SMYD3: variants seen among roughly 807,000 people sequenced by gnomAD.
SMYD3 encodes histone-lysine N-methyltransferase SMYD3.
SMYD3 carries 36 observed loss-of-function variants against 57.7 expected under a neutral mutation model. That is an observed-to-expected ratio of 0.62 (90% CI 0.48 to 0.82). SMYD3 has a LOEUF of 0.82. SMYD3 is among the 40% of genes least tolerant of loss of function. The pLI is 0.00. For synonymous variants in SMYD3, 211 were observed against 195.0 expected (o/e 1.08, Z -0.68); for missense variants, 515 against 538.8 (o/e 0.96, Z 0.44).
intron 1 of SMYD3, among the ~76,000 whole-genome samples, chr1:246,369,993 A>C (rs1361925109): frequency 6.6e-6 from 1 of 152,216 alleles, no homozygotes; most frequent in Middle Eastern, 3.2e-3. Context: ...AGCACCTTAA[A>C]TCCAGCACTT....
At chr1:245,847,607 A>G (rs1448437458) in intron 10 of SMYD3, among the ~76,000 whole-genome samples, 1 of 152,096 alleles carries the variant, frequency 6.6e-6, no homozygotes, top group African/African-American at 2.4e-5. Context: ...TTTCTCTTCC[A>G]CGAGGTGAGA....
intron 8 of SMYD3, among the ~76,000 whole-genome samples, chr1:245,894,829 T>C (rs4654067): frequency 1 from 151,902 of 152,310 alleles, 75,753 homozygotes; most frequent in Middle Eastern, 1. Context: ...GCCCCAAAGA[T>C]GGTAGAAAAG....
intron 10 of SMYD3, among the ~76,000 whole-genome samples, chr1:245,839,467 C>A (rs1030230481): frequency 6.6e-6 from 1 of 151,708 alleles, no homozygotes; most frequent in African/African-American, 2.4e-5. Flanking sequence ...CTGTGCCCAG[C>A]CCAGGCCAGC....
chr1:246,458,613 ATTTTTTTTTTT>A (rs74163446), intron 1 of SMYD3, among the ~76,000 whole-genome samples: 3 of 46,870 alleles, frequency 6.4e-5, no homozygotes, highest in Middle Eastern at 0.02. Context: ...CGCCTGGCTG[ATTTTTTTTTTT>A]TTTTTTTTTT....
At chr1:245,892,783 T>C (rs1201717954) in intron 8 of SMYD3, among the ~76,000 whole-genome samples, 2 of 152,164 alleles carry the variant, frequency 1.3e-5, no homozygotes, top group Non-Finnish European at 2.9e-5. Context: ...AAATCTAATA[T>C]GAAACACAGA....
chr1:246,292,571 T>C (rs1279999345), intron 5 of SMYD3, among the ~76,000 whole-genome samples: 1 of 152,226 alleles, frequency 6.6e-6, no homozygotes, highest in Non-Finnish European at 1.5e-5. Flanking sequence ...ACTATATGGA[T>C]AAATATATTG....
intron 5 of SMYD3, among the ~76,000 whole-genome samples, chr1:246,032,892 G>A (rs1030282238): frequency 9.2e-5 from 14 of 152,184 alleles, no homozygotes; most frequent in Non-Finnish European, 1.9e-4. Context: ...AACTAGTTAT[G>A]TAATTTTGGG....
intron 1 of SMYD3, among the ~76,000 whole-genome samples, chr1:246,470,235 TA>T (rs1294381387): frequency 1.3e-5 from 2 of 152,212 alleles, no homozygotes; most frequent in African/African-American, 4.8e-5. Flanking sequence ...CTCATGCCTG[TA>T]ATCCCAGCAC....
chr1:245,766,142 C>T (rs2046085099), intron 10 of SMYD3, among the ~76,000 whole-genome samples: 1 of 152,178 alleles, frequency 6.6e-6, no homozygotes, highest in East Asian at 1.9e-4. Flanking sequence ...CGGCGGCTCA[C>T]ACCTGTAATC....
At chr1:245,969,983 A>C (rs1043659666) in intron 5 of SMYD3, among the ~76,000 whole-genome samples, 18 of 119,082 alleles carry the variant, frequency 1.5e-4, no homozygotes, top group African/African-American at 4.3e-4. Context: ...TATGGAGCCC[A>C]AAAAGAGCCC....
chr1:245,762,675 A>G (rs368137388), intron 11 of SMYD3, among the ~76,000 whole-genome samples: 2 of 152,202 alleles, frequency 1.3e-5, no homozygotes, highest in African/African-American at 4.8e-5. Flanking sequence ...CTTTATTTAG[A>G]GATCAAGTAA....
chr1:245,957,259 A>G (rs1020775244), intron 5 of SMYD3, among the ~76,000 whole-genome samples: 4 of 152,220 alleles, frequency 2.6e-5, no homozygotes, highest in African/African-American at 9.7e-5. Flanking sequence ...AGACCTGACT[A>G]GCTAAAAAAA....
intron 10 of SMYD3, among the ~76,000 whole-genome samples, chr1:245,824,053 T>A (rs2049328171): frequency 6.6e-6 from 1 of 152,156 alleles, no homozygotes; most frequent in Non-Finnish European, 1.5e-5. Flanking sequence ...CTTCCTCCCC[T>A]ACTCACGACT....
chr1:246,162,541 G>A (rs151007850), intron 5 of SMYD3, among the ~76,000 whole-genome samples: 229 of 152,280 alleles, frequency 1.5e-3, no homozygotes, highest in African/African-American at 4.8e-3. Context: ...ATTTTTGTTT[G>A]TGTTACCCCT....
chr1:246,147,826 T>C (rs2061876150), intron 5 of SMYD3, among the ~76,000 whole-genome samples: 1 of 151,982 alleles, frequency 6.6e-6, no homozygotes, highest in Non-Finnish European at 1.5e-5. Flanking sequence ...GAGCCCCACC[T>C]TTACTGAGTT....
intron 5 of SMYD3, among the ~76,000 whole-genome samples, chr1:246,252,262 T>C (rs12403942): frequency 0.042 from 5,142 of 122,186 alleles, 266 homozygotes; most frequent in East Asian, 0.15. Flanking sequence ...TCGGACACTG[T>C]GCCCGGCTTT....
Position 245,850,900 on chromosome 1 carries a change from G to A in SMYD3, c.1076+7596C>T, listed in dbSNP as rs560351277. On this transcript the variant is annotated intron_variant, in intron 10 of 11. Coordinates refer to ENST00000490107, the MANE Select transcript of SMYD3 (RefSeq NM_001167740.2). ...CTTTACGCCAGTCACTCCAAGGCCT[G>A]AGCATGCTGGCCCTGGCTTCTGGGT... 2.8e-4 allele frequency among the ~76,000 whole-genome samples: 43 copies of A among 152,236 alleles called. No individual in the cohort carries two copies. In the South Asian group the frequency reaches 5.6e-3, roughly 20 times the overall value.
chr1:246,247,444 ACTCTCT>A lies in SMYD3; in HGVS notation c.531+79751_531+79756del, dbSNP rs143476169. Among the ~76,000 whole-genome samples, 59 of 142,856 alleles carry A rather than the reference ACTCTCT, an allele frequency of 4.1e-4. 1 individual carries two copies. Among genetic ancestry groups the A allele is most frequent in the African/African-American group, 1.2e-3 (47 of 38,336 alleles). 93.7% of individuals were successfully genotyped at this position (142,856 alleles called of 152,430 possible). A position where few individuals can be genotyped will look rare whatever the true frequency, so the allele number is the denominator to read the frequency against. ...CTGTGGTTTAAGAAAGAGAAGGATA[ACTCTCT>A]CTCTCTCTCTCTCTCTATATATATA... On this transcript the variant is annotated intron_variant, in intron 5 of 11. Transcript: ENST00000490107.
At chr1:246,408,487 T>A (rs2066905533) in intron 1 of SMYD3, among the ~76,000 whole-genome samples, 1 of 152,090 alleles carries the variant, frequency 6.6e-6, no homozygotes, top group Admixed American at 6.6e-5. Flanking sequence ...CTGTTTCCTA[T>A]CAATATTTTA....
Sources: gnomAD v4.1 joint callset for allele counts (sites outside exome capture counted in the v4.1 genomes callset) on GRCh38, gnomAD v4.1.1 for gene constraint, MANE v1.5 for transcripts, NCBI Gene and HGNC (gene_info 2026-07-23, HGNC 2026-07-21) for gene names.